Variants in NCKAP5 observed in about 807,000 individuals in gnomAD.
The protein encoded by NCKAP5 is nck-associated protein 5.
Under a neutral mutation model 167.0 loss-of-function variants are expected in NCKAP5, and 92 were observed. The observed-to-expected ratio is 0.55, with a 90% CI of 0.47 to 0.66. The LOEUF (loss-of-function observed/expected upper bound fraction) is 0.66. Among genes scored for constraint, NCKAP5 ranks in the 30% least tolerant of loss-of-function variants. NCKAP5 has a pLI of 0.00. For missense variants in NCKAP5, 2,378 were observed against 2,315.0 expected, an observed-to-expected ratio of 1.03 and a Z score of -0.56; for synonymous variants, 891 against 877.4, an observed-to-expected ratio of 1.02 and a Z score of -0.27.
At chr2:133,523,034 T>C (rs1309116252) in intron 2 of NCKAP5, among the ~76,000 whole-genome samples, 9 of 152,032 alleles carry the variant, frequency 5.9e-5, no homozygotes. Flanking sequence ...CCCCCTCACA[T>C]ACACCCATCT....
At chr2:133,363,434 C>T (rs1382677581) in intron 3 of NCKAP5, among the ~76,000 whole-genome samples, 1 of 152,030 alleles carries the variant, frequency 6.6e-6, no homozygotes, top group Non-Finnish European at 1.5e-5. Flanking sequence ...TTACTATCAG[C>T]CTATTTACAA....
At chr2:133,416,328 A>C (rs1559467522) in intron 3 of NCKAP5, among the ~76,000 whole-genome samples, 1 of 152,188 alleles carries the variant, frequency 6.6e-6, no homozygotes, top group Non-Finnish European at 1.5e-5. Flanking sequence ...AATTTCCCAC[A>C]TGGGCTTAAT....
intron 15 of NCKAP5, among the ~76,000 whole-genome samples, chr2:132,778,816 T>A (rs1324178520): frequency 1.3e-5 from 2 of 152,186 alleles, no homozygotes; most frequent in Non-Finnish European, 2.9e-5. Context: ...CTAATCTCCT[T>A]CCTATATAGG....
chr2:133,202,273 G>C (rs550836797), intron 5 of NCKAP5, among the ~76,000 whole-genome samples: 69 of 152,184 alleles, frequency 4.5e-4, no homozygotes, highest in African/African-American at 9.4e-4. Context: ...CTGACAAAAA[G>C]AAGAAATGGG....
At chr2:133,621,737 C>G in the NCKAP5 span, among the ~76,000 whole-genome samples, 3 of 152,110 alleles carry the variant, frequency 2.0e-5, no homozygotes, top group African/African-American at 7.2e-5. Context: ...CCTATTGACA[C>G]TGTTCCAAAA....
intron 15 of NCKAP5, among the ~76,000 whole-genome samples, chr2:132,774,137 A>T (rs1051310769): frequency 6.6e-6 from 1 of 152,214 alleles, no homozygotes; most frequent in African/African-American, 2.4e-5. Context: ...TTTCAGACAT[A>T]TAACCTCATT....
At chr2:133,601,745 T>A in the NCKAP5 span, among the ~76,000 whole-genome samples, 4 of 151,854 alleles carry the variant, frequency 2.6e-5, no homozygotes, top group Admixed American at 6.6e-5. Context: ...AATAAATAAA[T>A]AATAAATAAA....
chr2:133,080,817 GTAA>G (rs2080778570), intron 6 of NCKAP5, among the ~76,000 whole-genome samples: 1 of 152,126 alleles, frequency 6.6e-6, no homozygotes, highest in Non-Finnish European at 1.5e-5. Flanking sequence ...GTCGAGTACT[GTAA>G]TGAAGTGAAC....
chr2:133,406,558 A>G (rs1188702571), intron 3 of NCKAP5, among the ~76,000 whole-genome samples: 1 of 151,124 alleles, frequency 6.6e-6, no homozygotes, highest in Non-Finnish European at 1.5e-5. Context: ...TTTGTTAAAA[A>G]CAAACCAACA....
intron 11 of NCKAP5, among the ~76,000 whole-genome samples, chr2:132,843,517 T>G (rs960651535): frequency 6.6e-6 from 1 of 151,994 alleles, no homozygotes; most frequent in African/African-American, 2.4e-5. Context: ...CACAGTTGTT[T>G]TCTTTATATT....
chr2:132,682,276 G>A (rs560175224), intron 19 of NCKAP5, among the ~76,000 whole-genome samples: 3 of 152,192 alleles, frequency 2.0e-5, no homozygotes, highest in East Asian at 1.9e-4. Flanking sequence ...GGAGGTTGCC[G>A]ATGGGAATCT....
At chr2:133,399,206 A>C (rs543449089) in intron 3 of NCKAP5, among the ~76,000 whole-genome samples, 235 of 152,262 alleles carry the variant, frequency 1.5e-3, no homozygotes, top group Non-Finnish European at 1.8e-3. Flanking sequence ...AACAAAAGCT[A>C]TAGGAATACC....
At chr2:133,456,633 T>C (rs539672047) in intron 3 of NCKAP5, among the ~76,000 whole-genome samples, 2 of 152,332 alleles carry the variant, frequency 1.3e-5, no homozygotes, top group African/African-American at 4.8e-5. Context: ...CAACTCCTAG[T>C]TGATGAAATA....
At chr2:133,526,383 G>A (rs1296061729) in intron 2 of NCKAP5, among the ~76,000 whole-genome samples, 1 of 151,994 alleles carries the variant, frequency 6.6e-6, no homozygotes, top group African/African-American at 2.4e-5. Flanking sequence ...AAATGTAAGA[G>A]AGGGAGATTT....
At chr2:133,027,282 C>T (rs894430178) in intron 6 of NCKAP5, among the ~76,000 whole-genome samples, 6 of 152,168 alleles carry the variant, frequency 3.9e-5, no homozygotes, top group Non-Finnish European at 7.3e-5. Flanking sequence ...CAAATACCCT[C>T]GTCTCTTCTT....
rs1426788338 is a variant in NCKAP5, at chr2:132,782,174, T to G, written c.4637A>C (p.Gln1546Pro). Residue 1546 changes from glutamine to proline, a missense_variant, in exon 14 of 20, where the codon CAA becomes CCA. Around this residue, in one of 3 missense-constraint regions of NCKAP5, gnomAD observed 1,325 missense variants for 1,274.5 expected, o/e 1.04. Coordinates refer to ENST00000409261, the MANE Select transcript of NCKAP5 (RefSeq NM_207363.3). Reference sequence around the variant, plus strand: ...CTCTTTTTTTCTTTCTGATTTTAGTTGTCTGTTTCCAAACCCCAAGACTTT... The same window carrying G: ...CTCTTTTTTTCTTTCTGATTTTAGTGGTCTGTTTCCAAACCCCAAGACTTT... Reference protein sequence around the residue: ...DAKVLGFGNRQLKSERKKEKK... With the variant: ...DAKVLGFGNRPLKSERKKEKK... The G allele has an allele frequency of 6.2e-7, 1 of 1,610,366 alleles. No individual in the cohort carries two copies. Among genetic ancestry groups the G allele is most frequent in the Non-Finnish European group, 8.5e-7 (1 of 1,179,128 alleles).
chr2:132,875,909 G>T lies in NCKAP5; in HGVS notation c.648+2939C>A, dbSNP rs569522357. Among the ~76,000 whole-genome samples the T allele has an allele frequency of 2.3e-4, 35 of 152,246 alleles. No individual in the cohort carries two copies. In the South Asian group the frequency reaches 6.6e-3, roughly 29 times the overall value. ...TGTAGGTGTGTGCACTTGTGGATGT[G>T]CATGCCTAGCAAGCCAGGGTGTATG... On this transcript the variant is annotated intron_variant, in intron 9 of 19. Coordinates refer to ENST00000409261, the MANE Select transcript of NCKAP5 (RefSeq NM_207363.3).
intron 3 of NCKAP5, among the ~76,000 whole-genome samples, chr2:133,371,258 A>G (rs1161186285): frequency 6.6e-6 from 1 of 152,178 alleles, no homozygotes; most frequent in Non-Finnish European, 1.5e-5. Flanking sequence ...CTTCTTGCCA[A>G]TTGGATTCTT....
At chr2:133,673,321 T>C in the NCKAP5 span, among the ~76,000 whole-genome samples, 1 of 152,228 alleles carries the variant, frequency 6.6e-6, no homozygotes. Context: ...TCTGAAATAG[T>C]TGCATTGGAC....
Sources: gnomAD v4.1 joint callset for allele counts (sites outside exome capture counted in the v4.1 genomes callset) on GRCh38, gnomAD v4.1.1 for gene constraint, gnomAD v4.1.1 regional missense constraint, MANE v1.5 for transcripts, NCBI Gene and HGNC (gene_info 2026-07-23, HGNC 2026-07-21) for gene names.